Variants in FTCDNL1 observed in about 807,000 individuals in gnomAD.
FTCDNL1 encodes the protein formiminotransferase cyclodeaminase N-terminal like, also known as formiminotransferase N-terminal subdomain-containing protein.
A neutral mutation model predicts 5.9 loss-of-function variants in FTCDNL1; 11 were observed. That is an observed-to-expected ratio of 1.87 (90% confidence interval 1.18 to 3.10). FTCDNL1 has a LOEUF of 3.10. Among genes scored for constraint, FTCDNL1 ranks in the 30% most tolerant of loss-of-function variants. FTCDNL1 has a pLI of 0.00. For synonymous variants in FTCDNL1, 58 were observed against 24.8 expected (o/e 2.34, Z -3.99); for missense variants, 115 against 65.5 (o/e 1.76, Z -2.61).
the FTCDNL1 span, among the ~76,000 whole-genome samples, chr2:199,745,084 AC>A: frequency 6.6e-6 from 1 of 152,204 alleles, no homozygotes; most frequent in East Asian, 1.9e-4. Flanking sequence ...CATTTTCCCC[AC>A]ATGTCAGTCT....
At chr2:199,683,018 T>C in the FTCDNL1 span, among the ~76,000 whole-genome samples, 1 of 152,222 alleles carries the variant, frequency 6.6e-6, no homozygotes, top group Non-Finnish European at 1.5e-5. Context: ...ATTCTATAAT[T>C]GTGAGGAGAG....
chr2:199,724,109 T>C, the FTCDNL1 span, among the ~76,000 whole-genome samples: 3 of 152,206 alleles, frequency 2.0e-5, no homozygotes, highest in Admixed American at 6.5e-5. Context: ...TGGTTCAGTC[T>C]TGGGAGGGCG....
chr2:199,820,128 T>C (rs1462473262), intron 3 of FTCDNL1, among the ~76,000 whole-genome samples: 1 of 152,170 alleles, frequency 6.6e-6, no homozygotes, highest in African/African-American at 2.4e-5. Flanking sequence ...TTTTGAACAA[T>C]GTTATAATAG....
intron 3 of FTCDNL1, among the ~76,000 whole-genome samples, chr2:199,830,111 T>C (rs1702273883): frequency 6.6e-6 from 1 of 152,178 alleles, no homozygotes; most frequent in East Asian, 1.9e-4. Flanking sequence ...AAGCATCCTC[T>C]AGTTTTAGTA....
chr2:199,738,370 A>C, the FTCDNL1 span, among the ~76,000 whole-genome samples: 1 of 152,226 alleles, frequency 6.6e-6, no homozygotes, highest in Non-Finnish European at 1.5e-5. Flanking sequence ...TTTATTTGAA[A>C]GCCAGAAGCA....
chr2:199,738,383 T>A, the FTCDNL1 span, among the ~76,000 whole-genome samples: 2 of 152,220 alleles, frequency 1.3e-5, no homozygotes, highest in East Asian at 3.8e-4. Flanking sequence ...CAGAAGCACA[T>A]CATGTTTATT....
chr2:199,723,622 T>C, the FTCDNL1 span, among the ~76,000 whole-genome samples: 6 of 152,342 alleles, frequency 3.9e-5, no homozygotes, highest in East Asian at 9.6e-4. Flanking sequence ...GAAGGCCTTT[T>C]CTGCATCTAT....
chr2:199,745,415 G>T, the FTCDNL1 span, among the ~76,000 whole-genome samples: 4 of 152,142 alleles, frequency 2.6e-5, no homozygotes, highest in African/African-American at 9.7e-5. Flanking sequence ...ACAGGTTTCT[G>T]TTTTTAACCA....
the FTCDNL1 span, among the ~76,000 whole-genome samples, chr2:199,753,983 T>G: frequency 6.6e-6 from 1 of 152,270 alleles, no homozygotes; most frequent in East Asian, 1.9e-4. Context: ...TGTGTTTCCT[T>G]GGAGATATTG....
chr2:199,792,149 G>C, intron 3 of FTCDNL1, among the ~76,000 whole-genome samples: 1 of 151,784 alleles, frequency 6.6e-6, no homozygotes, highest in East Asian at 1.9e-4. Flanking sequence ...ATGAAATTTT[G>C]AAAAAATTAT....
At position 199,783,413 on chromosome 2, in the gene FTCDNL1, A is replaced by G. The variant is rs542319631; in HGVS notation, c.212-22578T>C. ...CACCAATGTTAATAAGTTCTCGTAT[A>G]CATCTTTGGGTCTTTTGATCCACCC... On this transcript the variant is annotated intron_variant, in intron 3 of 3. Transcript: ENST00000416668. Among the ~76,000 whole-genome samples the G allele has an allele frequency of 5.3e-5, 8 of 152,284 alleles. No homozygotes were observed. The South Asian group carries it at 1.7e-3, about 32-fold the overall frequency.
the FTCDNL1 span, among the ~76,000 whole-genome samples, chr2:199,665,259 G>A: frequency 6.6e-6 from 1 of 152,154 alleles, no homozygotes; most frequent in African/African-American, 2.4e-5. Flanking sequence ...TCCGTCACCA[G>A]TGTCTTTAGA....
the FTCDNL1 span, among the ~76,000 whole-genome samples, chr2:199,726,300 T>A: frequency 8.5e-5 from 13 of 152,318 alleles, no homozygotes; most frequent in East Asian, 2.5e-3. Flanking sequence ...TGTTTTATCA[T>A]CATTCTTAGC....
At position 199,810,165 on chromosome 2, in the gene FTCDNL1, T is replaced by TG. The variant is rs575764001; in HGVS notation, c.*2539dup. On this transcript the variant is annotated 3_prime_UTR_variant, in exon 5 of 5. Transcript: ENST00000420128. Reference sequence around the variant, plus strand: ...TCATTCATTTCCAAGGCCATCTCCATGGGGGCTTGAATTCAATGACAGGCC... The same window carrying TG: ...TCATTCATTTCCAAGGCCATCTCCATGGGGGGCTTGAATTCAATGACAGGCC... Among the ~76,000 whole-genome samples the TG allele has an allele frequency of 4.9e-3, 750 of 152,136 alleles. 4 individuals are homozygous for TG. Among genetic ancestry groups the TG allele is most frequent in the Non-Finnish European group, 6.8e-3 (464 of 68,008 alleles).
chr2:199,672,675 G>T, the FTCDNL1 span, among the ~76,000 whole-genome samples: 1 of 152,044 alleles, frequency 6.6e-6, no homozygotes, highest in African/African-American at 2.4e-5. Flanking sequence ...GATTCAGACA[G>T]CTGGCAACTG....
At chr2:199,767,879 A>G (rs1188187096) in intron 3 of FTCDNL1, among the ~76,000 whole-genome samples, 1 of 152,254 alleles carries the variant, frequency 6.6e-6, no homozygotes, top group Non-Finnish European at 1.5e-5. Context: ...ACAGGAATAG[A>G]CTAAGACAAT....
chr2:199,671,057 C>A, the FTCDNL1 span, among the ~76,000 whole-genome samples: 1 of 152,020 alleles, frequency 6.6e-6, no homozygotes, highest in Non-Finnish European at 1.5e-5. Context: ...GTCTGTGTTT[C>A]CATAAATGGC....
At chr2:199,816,006 A>AAAAG (rs59036985) in intron 4 of FTCDNL1, among the ~76,000 whole-genome samples, 93,613 of 148,748 alleles carry the variant, frequency 0.63, 29,706 homozygotes, top group South Asian at 0.76. Flanking sequence ...TCTCAAAAAA[A>AAAAG]AAAGAAAGAA....
the FTCDNL1 span, among the ~76,000 whole-genome samples, chr2:199,718,610 T>C: frequency 6.6e-6 from 1 of 152,190 alleles, no homozygotes; most frequent in Non-Finnish European, 1.5e-5. Context: ...TTTTTAGTTA[T>C]TTAAGGAATC....
Sources: gnomAD v4.1 joint callset for allele counts (sites outside exome capture counted in the v4.1 genomes callset) on GRCh38, gnomAD v4.1.1 for gene constraint, MANE v1.5 for transcripts, NCBI Gene and HGNC (gene_info 2026-07-23, HGNC 2026-07-21) for gene names.